Variants in FREM3 observed in about 807,000 individuals in gnomAD.
The protein encoded by FREM3 is FRAS1 related extracellular matrix 3, also known as FRAS1-related extracellular matrix protein 3.
A neutral mutation model predicts 129.1 loss-of-function variants in FREM3; 105 were observed. That is an observed-to-expected ratio of 0.81 (90% confidence interval 0.69 to 0.96). FREM3 has a LOEUF of 0.96. FREM3 is among the 40% of genes least tolerant of loss of function. The pLI, the probability that FREM3 is intolerant of heterozygous loss-of-function variation, is 0.00. For missense variants in FREM3, 2,593 were observed against 2,666.3 expected (o/e 0.97, Z 0.61); for synonymous variants, 1,014 against 1,044.9 (o/e 0.97, Z 0.57).
rs1245093029 is a variant in FREM3, at chr4:143,697,798, G to A, written c.2878C>T (p.Leu960=). The A allele has an allele frequency of 2.0e-6, 3 of 1,537,506 alleles. No individual in the cohort carries two copies. Among genetic ancestry groups the A allele is most frequent in the South Asian group, 2.4e-5 (2 of 84,054 alleles). The change falls in exon 1 of 8, where the codon CTA becomes TTA. Residue 960 remains leucine, a synonymous_variant. Coordinates refer to ENST00000329798, the MANE Select transcript of FREM3 (RefSeq NM_001168235.2). ...GTAATTTCAGTGGCTTTATTCTCTAGTACGTCTATAGAAACATCCAATAAT... is the reference window on the plus strand; with the variant it reads ...GTAATTTCAGTGGCTTTATTCTCTAATACGTCTATAGAAACATCCAATAAT... ...SSLLDVSIDV[L]ENKATEITMG...
chr4:143,653,169 A>C (rs539658437), intron 2 of FREM3, among the ~76,000 whole-genome samples: 3 of 152,194 alleles, frequency 2.0e-5, no homozygotes, highest in Non-Finnish European at 4.4e-5. Context: ...GAAAAAACAC[A>C]TATCTCACAG....
intron 5 of FREM3, among the ~76,000 whole-genome samples, chr4:143,614,344 C>G (rs906057063): frequency 1.3e-5 from 2 of 152,158 alleles, no homozygotes; most frequent in Non-Finnish European, 2.9e-5. Flanking sequence ...AATATTTTAT[C>G]TGCAACAAGT....
intron 6 of FREM3, among the ~76,000 whole-genome samples, chr4:143,595,731 C>CA (rs556680866): frequency 1.1e-3 from 172 of 151,840 alleles, no homozygotes; most frequent in African/African-American, 3.8e-3. Context: ...ACTAAAAATA[C>CA]AAAAAAATTA....
Position 143,696,434 on chromosome 4 carries a change from G to A in FREM3, c.4242C>T (p.Tyr1414=), listed in dbSNP as rs969448452. ...CTAAGTTGCCAATGGTGACATAGAA[G>A]TAGTGGTCTGTCAAAGTGTTAACCC... is the stretch of plus-strand genomic sequence containing the variant. ...TDGVNTLTDH[Y]FYVTIGNLDS... The change falls in exon 1 of 8, where the codon TAC becomes TAT. Residue 1414 remains tyrosine (Y), a synonymous_variant. Transcript: ENST00000329798. 2 of 1,537,474 alleles carry A rather than the reference G, an allele frequency of 1.3e-6. No homozygotes were observed. The highest frequency in any genetic ancestry group is 2.7e-5 in the African/African-American group (2 of 73,028).
chr4:143,655,810 A>G (rs906325902), intron 2 of FREM3, among the ~76,000 whole-genome samples: 15 of 152,210 alleles, frequency 9.9e-5, no homozygotes, highest in Admixed American at 3.3e-4. Flanking sequence ...GCATAGCTAG[A>G]GGCTATAAGC....
At chr4:143,584,510 A>G (rs1395863758) in intron 7 of FREM3, among the ~76,000 whole-genome samples, 1 of 152,204 alleles carries the variant, frequency 6.6e-6, no homozygotes, top group Non-Finnish European at 1.5e-5. Context: ...ACTTTAAGCC[A>G]GCAATGATAA....
At chr4:143,647,614 A>AAG (rs1326580832) in intron 2 of FREM3, among the ~76,000 whole-genome samples, 2 of 152,192 alleles carry the variant, frequency 1.3e-5, no homozygotes, top group African/African-American at 4.8e-5. Context: ...CATACAGCGC[A>AAG]GGCCATTGCT....
chr4:143,614,498 C>T (rs1241642462), intron 5 of FREM3, among the ~76,000 whole-genome samples: 2 of 152,088 alleles, frequency 1.3e-5, no homozygotes, highest in African/African-American at 4.8e-5. Context: ...TTATGATTTC[C>T]AGGCTGGTAT....
intron 2 of FREM3, among the ~76,000 whole-genome samples, chr4:143,651,530 G>C (rs760053355): frequency 6.6e-6 from 1 of 152,222 alleles, no homozygotes; most frequent in Non-Finnish European, 1.5e-5. Context: ...GGAGTCTGGA[G>C]GGGCTTAGAA....
chr4:143,597,795 T>C (rs1040026398), intron 6 of FREM3, among the ~76,000 whole-genome samples: 12 of 152,140 alleles, frequency 7.9e-5, no homozygotes, highest in Admixed American at 5.9e-4. Flanking sequence ...TGGAAAGACA[T>C]CCTGTGTTCA....
At chr4:143,584,278 G>A (rs993039844) in intron 7 of FREM3, among the ~76,000 whole-genome samples, 6 of 151,920 alleles carry the variant, frequency 3.9e-5, no homozygotes, top group African/African-American at 7.2e-5. Context: ...GCGCGGTGGC[G>A]GGCGCCTGTG....
intron 2 of FREM3, among the ~76,000 whole-genome samples, chr4:143,635,112 G>A (rs1739212582): frequency 6.6e-6 from 1 of 152,122 alleles, no homozygotes; most frequent in Non-Finnish European, 1.5e-5. Context: ...CTGACACTAT[G>A]TACTTCAATG....
intron 2 of FREM3, among the ~76,000 whole-genome samples, chr4:143,636,133 C>A (rs767690234): frequency 1.3e-5 from 2 of 150,060 alleles, no homozygotes; most frequent in East Asian, 1.9e-4. Flanking sequence ...CCTTTCTTCA[C>A]ATCATAAAAC....
intron 5 of FREM3, among the ~76,000 whole-genome samples, chr4:143,613,063 G>T (rs2149839565): frequency 6.6e-6 from 1 of 152,330 alleles, no homozygotes. Context: ...GCTAAAAAAT[G>T]ATAGTGGGCT....
At chr4:143,642,443 C>A (rs1243129109) in intron 2 of FREM3, among the ~76,000 whole-genome samples, 2 of 152,116 alleles carry the variant, frequency 1.3e-5, no homozygotes, top group Non-Finnish European at 2.9e-5. Flanking sequence ...AACAGACACA[C>A]AGACCAATTA....
intron 2 of FREM3, among the ~76,000 whole-genome samples, chr4:143,641,111 A>G (rs1253569326): frequency 6.6e-6 from 1 of 152,178 alleles, no homozygotes; most frequent in Non-Finnish European, 1.5e-5. Flanking sequence ...AGACAGCCCA[A>G]GGGTGCCTGT....
chr4:143,690,027 A>G (rs1292120969), intron 2 of FREM3, among the ~76,000 whole-genome samples: 3 of 151,902 alleles, frequency 2.0e-5, no homozygotes, highest in Non-Finnish European at 4.4e-5. Context: ...TAAAAAAAAA[A>G]AAAAAAAAGA....
intron 6 of FREM3, among the ~76,000 whole-genome samples, chr4:143,608,906 A>C (rs1472925895): frequency 1.3e-5 from 2 of 152,164 alleles, no homozygotes; most frequent in African/African-American, 4.8e-5. Flanking sequence ...TTTAGAGCAA[A>C]ACTTTGACAT....
At chr4:143,684,580 A>C (rs1740321977) in intron 2 of FREM3, among the ~76,000 whole-genome samples, 1 of 152,240 alleles carries the variant, frequency 6.6e-6, no homozygotes, top group Non-Finnish European at 1.5e-5. Flanking sequence ...AACCCTGGTA[A>C]TATGACAAAA....
Sources: gnomAD v4.1 joint callset for allele counts (sites outside exome capture counted in the v4.1 genomes callset) on GRCh38, gnomAD v4.1.1 for gene constraint, MANE v1.5 for transcripts, NCBI Gene and HGNC (gene_info 2026-07-23, HGNC 2026-07-21) for gene names.